Variants in CDH5 observed in about 807,000 individuals in gnomAD.
The protein encoded by CDH5 is cadherin-5.
Under a neutral mutation model 62.0 loss-of-function variants are expected in CDH5, and 28 were observed. That is an observed-to-expected ratio of 0.45 (90% CI 0.33 to 0.62). The LOEUF (loss-of-function observed/expected upper bound fraction) is 0.62. Among genes scored for constraint, CDH5 ranks in the 20% least tolerant of loss-of-function variants. CDH5 has a pLI of 0.02. For missense variants in CDH5, 940 were observed against 1,065.1 expected, an observed-to-expected ratio of 0.88 and a Z score of 1.63; for synonymous variants, 464 against 445.8, an observed-to-expected ratio of 1.04 and a Z score of -0.52.
At chr16:66,381,700 G>A (rs1302621922) in intron 2 of CDH5, among the ~76,000 whole-genome samples, 2 of 152,218 alleles carry the variant, frequency 1.3e-5, no homozygotes, top group Non-Finnish European at 2.9e-5. Flanking sequence ...CCCTCATGGA[G>A]AGGGTGGTCT....
chr16:66,371,626 T>C (rs1026301198), intron 1 of CDH5, among the ~76,000 whole-genome samples: 3 of 152,148 alleles, frequency 2.0e-5, no homozygotes, highest in African/African-American at 7.2e-5. Context: ...GTGTGTGTCC[T>C]GGACCTGGAG....
At chr16:66,383,568 C>A (rs1021753836) in intron 2 of CDH5, among the ~76,000 whole-genome samples, 2 of 152,100 alleles carry the variant, frequency 1.3e-5, no homozygotes, top group Non-Finnish European at 2.9e-5. Flanking sequence ...TCACCGAGAG[C>A]CCAGTTGGAA....
In CDH5 at chr16:66,390,148, C is replaced by T. The variant is rs1961057234; in HGVS notation, c.782-255C>T. Among the ~76,000 whole-genome samples, 8 of 152,310 alleles carry T rather than the reference C, an allele frequency of 5.3e-5. No homozygotes were observed. In the South Asian group the frequency reaches 1.7e-3, roughly 32 times the overall value. ...GAAGGCAGGACTTGTCTCTCTTGTC[C>T]ATTGATAGGTCCCCTAGCAAAGTGC... is the stretch of plus-strand genomic sequence containing the variant. On this transcript the variant is annotated intron_variant, in intron 5 of 11. Transcript: ENST00000341529.
At chr16:66,367,059 G>T (rs1252597130) in intron 1 of CDH5, among the ~76,000 whole-genome samples, 1 of 152,254 alleles carries the variant, frequency 6.6e-6, no homozygotes, top group Admixed American at 6.5e-5. Context: ...ATCAGTGCCA[G>T]GCTCAGAGAG....
Position 66,397,831 on chromosome 16 carries a change from CT to C in CDH5, c.1361-147del, listed in dbSNP as rs1422418130. On this transcript the variant is annotated intron_variant, in intron 8 of 11. Coordinates refer to ENST00000341529, the MANE Select transcript of CDH5 (RefSeq NM_001795.5). ...TTTAACACCTCCCCCCACCAAACTC[CT>C]TTTATCCAGAACACCATCCTGGGCC... The C allele has an allele frequency of 5.2e-6, 4 of 774,836 alleles. No homozygotes were observed. The East Asian group carries it at 1.1e-4, about 20-fold the overall frequency. 48.0% of individuals were successfully genotyped at this position (774,836 alleles called of 1,614,324 possible). A position where few individuals can be genotyped will look rare whatever the true frequency, so the allele number is the denominator to read the frequency against.
Position 66,402,979 on chromosome 16 carries a change from G to GC in CDH5, c.2172dup (p.Tyr725LeufsTer30), listed in dbSNP as rs781713547. The GC allele has an allele frequency of 9.3e-6, 15 of 1,612,888 alleles. No homozygotes were observed. The highest frequency in any genetic ancestry group is 4.2e-6 in the Non-Finnish European group (5 of 1,179,866). ...GACGAGGCGGACCACGACGGCGACGGCCCCCCCTACGACACGCTGCACATC... is the reference window on the plus strand; with the variant it reads ...GACGAGGCGGACCACGACGGCGACGGCCCCCCCCTACGACACGCTGCACATC... On this transcript the variant is annotated frameshift_variant, in exon 12 of 12. Transcript: ENST00000341529. LOFTEE classifies it high-confidence loss of function.
chr16:66,391,848 A>G (rs971948252), intron 6 of CDH5, among the ~76,000 whole-genome samples: 3 of 152,212 alleles, frequency 2.0e-5, no homozygotes, highest in Non-Finnish European at 4.4e-5. Flanking sequence ...GCAGGACCAT[A>G]GTTGATCCAT....
At chr16:66,371,549 T>C (rs1229254120) in intron 1 of CDH5, among the ~76,000 whole-genome samples, 1 of 152,060 alleles carries the variant, frequency 6.6e-6, no homozygotes, top group Non-Finnish European at 1.5e-5. Flanking sequence ...GTGCCTGTGG[T>C]CAGGGGTGTG....
intron 2 of CDH5, among the ~76,000 whole-genome samples, chr16:66,385,924 G>A (rs756049075): frequency 2.0e-5 from 3 of 152,140 alleles, no homozygotes; most frequent in South Asian, 2.1e-4. Context: ...ACAATCCAGC[G>A]CCAGCACACC....
intron 7 of CDH5, chr16:66,395,502 T>TC (rs2142337321): frequency 8.4e-6 from 1 of 118,776 alleles, no homozygotes; most frequent in Admixed American, 1.0e-4. Flanking sequence ...ACTTTTCTTT[T>TC]CTTTTTTTTT....
Position 66,403,127 on chromosome 16 carries a change from T to G in CDH5, c.2313T>G (p.Ala771=), listed in dbSNP as rs774900918. The G allele has an allele frequency of 8.7e-6, 14 of 1,613,526 alleles. No individual in the cohort carries two copies. The highest frequency in any genetic ancestry group is 1.2e-5 in the Non-Finnish European group (14 of 1,179,920). ...GGGGACCCAGGTTTAAGATGCTGGC[T>G]GAGCTGTACGGCTCGGACCCCCGGG... ...NDWGPRFKML[A]ELYGSDPREE... Residue 771 remains alanine (A), a synonymous_variant, in exon 12 of 12, where the codon GCT becomes GCG. Transcript: ENST00000341529. The surrounding 1 kb of genome is among the most constrained non-coding windows in gnomAD (Gnocchi z 4.3).
In CDH5 at chr16:66,400,976, G is replaced by A; in HGVS notation, c.1797G>A (p.Gln599=). The change falls in exon 11 of 12, where the codon CAG becomes CAA. Residue 599 remains glutamine (Q), a synonymous_variant. Transcript: ENST00000341529. ...DMAAQVGVSI[Q]AVVAILLCIL... is the part of the protein sequence containing the mutation. ...CCGCCCAGGTGGGCGTGAGCATCCA[G>A]GCAGTGGTAGCCATCTTACTCTGCA... 6.2e-7 allele frequency: 1 copy of A among 1,614,132 alleles called. No individual in the cohort carries two copies. Among genetic ancestry groups the A allele is most frequent in the Non-Finnish European group, 8.5e-7 (1 of 1,180,050 alleles).
At chr16:66,386,753 A>G in intron 2 of CDH5, 56 bp from the exon 3 acceptor site, 1 of 1,472,806 alleles carries the variant, frequency 6.8e-7, no homozygotes, top group African/African-American at 1.4e-5. Flanking sequence ...TCACTCACAC[A>G]CTCACACACA....
chr16:66,385,121 G>C (rs371774850), intron 2 of CDH5, among the ~76,000 whole-genome samples: 2 of 152,222 alleles, frequency 1.3e-5, no homozygotes, highest in African/African-American at 2.4e-5. Flanking sequence ...TTTTTTAATT[G>C]AATAGAATTC....
intron 7 of CDH5, 139 bp from the exon 8 acceptor site, chr16:66,395,920 G>A: frequency 1.3e-6 from 1 of 762,782 alleles, no homozygotes; most frequent in Non-Finnish European, 2.1e-6. Context: ...TGTCTGAGTG[G>A]CAGAGTGCAA....
At chr16:66,393,313 T>C (rs1961121727) in intron 7 of CDH5, among the ~76,000 whole-genome samples, 1 of 152,232 alleles carries the variant, frequency 6.6e-6, no homozygotes, top group African/African-American at 2.4e-5. Context: ...TACTAGCTTG[T>C]ATAAGTCCAT....
chr16:66,390,438 G>T lies in CDH5; in HGVS notation c.817G>T (p.Val273Leu). 6.2e-7 allele frequency: 1 copy of T among 1,614,110 alleles called. No homozygotes were observed. The highest frequency in any genetic ancestry group is 8.5e-7 in the Non-Finnish European group (1 of 1,180,006). The part of the protein sequence containing the change: ...YTFVVPEDTR[V>L]GTSVGSLFVE... ...ATTTGTCGTGCCTGAAGACACCCGT[G>T]TGGGCACCTCTGTGGGCTCTCTGTT... Residue 273 changes from valine (V) to leucine (L), a missense_variant, in exon 6 of 12, where the codon GTG (valine) becomes TTG (leucine). By Grantham distance (32) the Val-to-Leu change is conservative (BLOSUM62 1). Coordinates refer to ENST00000341529, the MANE Select transcript of CDH5 (RefSeq NM_001795.5).
chr16:66,392,586 A>T (rs767307571), intron 7 of CDH5: 3 of 628,440 alleles, frequency 4.8e-6, no homozygotes, highest in Non-Finnish European at 8.1e-6. Flanking sequence ...CCCACCTAGC[A>T]TGGTCCTGGG....
chr16:66,397,346 A>C (rs1961203546), intron 8 of CDH5, among the ~76,000 whole-genome samples: 1 of 152,280 alleles, frequency 6.6e-6, no homozygotes, highest in Admixed American at 6.5e-5. Context: ...CAGCCTCCTG[A>C]GCAGCTGGGA....
Sources: gnomAD v4.1 joint callset for allele counts (sites outside exome capture counted in the v4.1 genomes callset) on GRCh38, gnomAD v4.1.1 for gene constraint, Gnocchi (gnomAD v3.1) non-coding constraint, MANE v1.5 for transcripts, NCBI Gene and HGNC (gene_info 2026-07-23, HGNC 2026-07-21) for gene names.